VPS13C: variants seen among roughly 807,000 people sequenced by gnomAD.
VPS13C encodes intermembrane lipid transfer protein VPS13C.
VPS13C carries 358 observed loss-of-function variants against 456.8 expected under a neutral mutation model. That is an observed-to-expected ratio of 0.78 (90% confidence interval 0.72 to 0.86). The LOEUF is 0.86. Among genes scored for constraint, VPS13C ranks in the 40% least tolerant of loss-of-function variants. VPS13C has a pLI of 0.00. For synonymous variants in VPS13C, 1,578 were observed against 1,486.7 expected (o/e 1.06, Z -1.41); for missense variants, 4,818 against 4,385.4 (o/e 1.10, Z -2.79).
chr15:61,923,859 A>ATATT (rs2043743450), intron 53 of VPS13C, among the ~76,000 whole-genome samples: 1 of 69,374 alleles, frequency 1.4e-5, no homozygotes, highest in Admixed American at 1.3e-4. Flanking sequence ...ACCCCTCTAA[A>ATATT]TCTTTTTTTT....
intron 9 of VPS13C, among the ~76,000 whole-genome samples, chr15:62,018,962 A>T (rs1367949804): frequency 2.6e-5 from 4 of 152,114 alleles, no homozygotes; most frequent in African/African-American, 9.7e-5. Flanking sequence ...CCTCAATTTC[A>T]GAGCCTGTTA....
chr15:62,045,356 T>C (rs966563850), intron 1 of VPS13C, among the ~76,000 whole-genome samples: 9 of 152,060 alleles, frequency 5.9e-5, no homozygotes, highest in African/African-American at 1.9e-4. Context: ...AATAGAAGCG[T>C]ACACAAGATG....
chr15:61,853,076 T>G lies in VPS13C; in HGVS notation c.*1381A>C, dbSNP rs960734704. The G allele has an allele frequency of 1.3e-5, 2 of 152,154 alleles. No homozygotes were observed. The highest frequency in any genetic ancestry group is 2.9e-5 in the Non-Finnish European group (2 of 68,012). The allele number at this position is 152,154 out of a possible 1,614,324, so 9.4% of individuals were successfully genotyped here. A position where few individuals can be genotyped will look rare whatever the true frequency, so the allele number is the denominator to read the frequency against. On this transcript the variant is annotated 3_prime_UTR_variant, in exon 85 of 85. Coordinates refer to ENST00000644861, the MANE Select transcript of VPS13C (RefSeq NM_020821.3). ...ATATTTTTGAGTATTTTTTAAAGTT[T>G]TAATAGTTTATCTCTGATCAAGGAT... is the stretch of plus-strand genomic sequence containing the variant.
At chr15:61,954,596 T>G (rs746039528) in intron 37 of VPS13C, 42 bp from the exon 38 acceptor site, 21 of 1,546,820 alleles carry the variant, frequency 1.4e-5, no homozygotes, top group African/African-American at 1.4e-5. Flanking sequence ...ATTCACAAAT[T>G]TCTTCCACAA....
intron 5 of VPS13C, among the ~76,000 whole-genome samples, chr15:62,032,915 A>C (rs535654963): frequency 2.7e-3 from 410 of 151,908 alleles, no homozygotes; most frequent in South Asian, 0.015. Flanking sequence ...TTTTAGATAA[A>C]AACAAAAATG....
chr15:61,918,012 A>G (rs754386921), intron 59 of VPS13C, 124 bp downstream of exon 59: 28 of 952,730 alleles, frequency 2.9e-5, no homozygotes, highest in Non-Finnish European at 3.9e-5. Context: ...TCAATGGAAG[A>G]CTAAATTATG....
chr15:61,987,968 C>A (rs1000121290), intron 18 of VPS13C, among the ~76,000 whole-genome samples: 9 of 151,628 alleles, frequency 5.9e-5, no homozygotes, highest in African/African-American at 1.9e-4. Flanking sequence ...TAGCCAAAAC[C>A]AGAAACAAAA....
chr15:61,889,786 T>G (rs1596296119), intron 67 of VPS13C, among the ~76,000 whole-genome samples: 1 of 152,282 alleles, frequency 6.6e-6, no homozygotes, highest in East Asian at 1.9e-4. Flanking sequence ...CAAAACAAAC[T>G]AGTCACTTGT....
intron 80 of VPS13C, 64 bp from the exon 81 acceptor site, chr15:61,868,837 T>G: frequency 1.8e-5 from 22 of 1,243,822 alleles, no homozygotes; most frequent in Non-Finnish European, 2.5e-5. Flanking sequence ...AATGTGTGTG[T>G]TGATTAAATA....
chr15:62,042,349 C>A (rs2048269871), intron 2 of VPS13C, among the ~76,000 whole-genome samples: 1 of 152,060 alleles, frequency 6.6e-6, no homozygotes, highest in South Asian at 2.1e-4. Flanking sequence ...TACAGCCTTT[C>A]CGTTAGGTTT....
At chr15:61,990,868 A>C in intron 18 of VPS13C, 132 bp downstream of exon 18, 1 of 638,786 alleles carries the variant, frequency 1.6e-6, no homozygotes, top group Non-Finnish European at 2.7e-6. Context: ...ACCTGACTGA[A>C]ACATTCAACC....
chr15:62,030,092 C>G (rs2414757), intron 5 of VPS13C, among the ~76,000 whole-genome samples: 139,270 of 152,112 alleles, frequency 0.92, 63,936 homozygotes, highest in African/African-American at 0.96. Context: ...CAGGGTGGTA[C>G]AGAGTACCAA....
chr15:61,922,480 A>C lies in VPS13C; in HGVS notation c.6892T>G (p.Leu2298Val). 1 of 1,614,076 alleles carries C rather than the reference A, an allele frequency of 6.2e-7. No homozygotes were observed. The highest frequency in any genetic ancestry group is 8.5e-7 in the Non-Finnish European group (1 of 1,179,960). The change falls in exon 54 of 85, where the codon TTA becomes GTA. Residue 2298 changes from leucine to valine, a missense_variant. Transcript: ENST00000644861. ...GAAAACTTAGACTCTGCCAATAATA[A>C]AGGTACAGTTCGATGTCCAAGGCCA... is the stretch of plus-strand genomic sequence containing the variant. ...ECGLGHRTVP[L>V]LLAESKFSGN...
At chr15:62,003,154 T>C (rs1300389574) in intron 15 of VPS13C, among the ~76,000 whole-genome samples, 1 of 152,142 alleles carries the variant, frequency 6.6e-6, no homozygotes, top group Non-Finnish European at 1.5e-5. Flanking sequence ...TCCATGAGCA[T>C]GGAATGTTCT....
At chr15:62,018,191 G>C (rs967734669) in intron 9 of VPS13C, among the ~76,000 whole-genome samples, 1 of 152,172 alleles carries the variant, frequency 6.6e-6, no homozygotes, top group Non-Finnish European at 1.5e-5. Flanking sequence ...TTGGGGCTGA[G>C]ACGATGGGGT....
At chr15:61,897,848 G>A (rs1413061877) in intron 66 of VPS13C, among the ~76,000 whole-genome samples, 1 of 152,184 alleles carries the variant, frequency 6.6e-6, no homozygotes, top group Admixed American at 6.5e-5. Context: ...AGGGCAGCCA[G>A]AGAGAAAGGT....
chr15:62,018,314 C>CA (rs1287120023), intron 9 of VPS13C, among the ~76,000 whole-genome samples: 1 of 151,992 alleles, frequency 6.6e-6, no homozygotes, highest in Non-Finnish European at 1.5e-5. Flanking sequence ...CCAGAACTTC[C>CA]AACACTATGT....
chr15:61,922,156 T>C, intron 54 of VPS13C, 123 bp from the exon 55 acceptor site: 1 of 1,094,258 alleles, frequency 9.1e-7, no homozygotes, highest in Non-Finnish European at 1.3e-6. Context: ...AAAACCCATC[T>C]AACAATATAT....
intron 6 of VPS13C, among the ~76,000 whole-genome samples, chr15:62,028,149 C>T (rs1384215906): frequency 6.6e-6 from 1 of 151,982 alleles, no homozygotes; most frequent in East Asian, 1.9e-4. Context: ...TCATCCAGCA[C>T]AGTGATTGCC....
Sources: allele counts gnomAD v4.1 joint callset (sites outside exome capture counted in the v4.1 genomes callset), GRCh38; gene constraint gnomAD v4.1.1; transcripts MANE v1.5; gene names NCBI Gene and HGNC (gene_info 2026-07-23, HGNC 2026-07-21).